The following NSDHL variants were observed in gnomAD, a reference collection of about 807,000 sequenced individuals.
NSDHL encodes the protein NAD(P) dependent 3-beta-hydroxysteroid dehydrogenase NSDHL.
NSDHL carries 1 observed loss-of-function variant against 23.0 expected under a neutral mutation model. The observed-to-expected ratio is 0.04, with a 90% CI of 0.02 to 0.21. The LOEUF is 0.21. Among genes scored for constraint, NSDHL ranks in the 10% least tolerant of loss-of-function variants. The pLI is 1.00. For synonymous variants in NSDHL, 128 were observed against 121.1 expected, an observed-to-expected ratio of 1.06 and a Z score of -0.37; for missense variants, 237 against 300.9, an observed-to-expected ratio of 0.79 and a Z score of 1.57.
rs1429396607 is a variant in NSDHL at position 152,853,932 on chromosome X, G to T, written c.267+3509G>T. 2.7e-5 allele frequency among the ~76,000 whole-genome samples: 3 copies of T among 112,390 alleles called. No homozygotes were observed. The East Asian group carries it at 8.3e-4, about 31-fold the overall frequency. On this transcript the variant is annotated intron_variant, in intron 3 of 7. Transcript: ENST00000370274. ...ACTTGTTTGTTTGCTTATTTGTCCT[G>T]ATTGAAACATGATTGACCATGAGCG... is the stretch of plus-strand genomic sequence containing the variant.
chrX:152,848,942 G>C (rs1355398966), intron 2 of NSDHL, among the ~76,000 whole-genome samples: 2 of 112,601 alleles, frequency 1.8e-5, no homozygotes, highest in Non-Finnish European at 3.7e-5. Context: ...ATGTGTTTAG[G>C]AATAATCAGA....
At chrX:152,834,352 C>T (rs1556843789) in intron 1 of NSDHL, among the ~76,000 whole-genome samples, 2 of 112,926 alleles carry the variant, frequency 1.8e-5, no homozygotes, top group Non-Finnish European at 3.7e-5. Flanking sequence ...AAAATAAAAG[C>T]TGGCGACTTT....
chrX:152,855,250 C>T (rs1294201485), intron 3 of NSDHL, among the ~76,000 whole-genome samples: 4 of 110,825 alleles, frequency 3.6e-5, no homozygotes, highest in African/African-American at 1.3e-4. Flanking sequence ...CCGCCTCGGC[C>T]TCCCAAAGTG....
chrX:152,853,728 A>T (rs1933396037), intron 3 of NSDHL, among the ~76,000 whole-genome samples: 1 of 112,134 alleles, frequency 8.9e-6, no homozygotes, highest in Non-Finnish European at 1.9e-5. Flanking sequence ...TTTCTGCCTC[A>T]GGACCTTTGC....
At chrX:152,855,631 C>T (rs1199796259) in intron 3 of NSDHL, among the ~76,000 whole-genome samples, 4 of 111,442 alleles carry the variant, frequency 3.6e-5, no homozygotes, top group African/African-American at 1.3e-4. Flanking sequence ...GGTGGTCTTT[C>T]ATTGTATCAT....
chrX:152,858,301 A>G (rs113965109), intron 3 of NSDHL, among the ~76,000 whole-genome samples: 3,008 of 112,353 alleles, frequency 0.027, 95 homozygotes, highest in African/African-American at 0.092. Context: ...GCAGTAAATC[A>G]AACAGACCTG....
At chrX:152,861,397 G>T (rs1933526105) in intron 4 of NSDHL, among the ~76,000 whole-genome samples, 2 of 113,078 alleles carry the variant, frequency 1.8e-5, no homozygotes, top group Admixed American at 9.3e-5. Flanking sequence ...CTCCCTGTCT[G>T]CCCATGCAGA....
intron 3 of NSDHL, among the ~76,000 whole-genome samples, chrX:152,855,667 A>G (rs782095725): frequency 6.3e-5 from 7 of 110,761 alleles, no homozygotes; most frequent in African/African-American, 2.3e-4. Flanking sequence ...TCTTTCTTGC[A>G]TTCCTTCTCT....
chrX:152,840,325 C>T (rs1390389874), intron 1 of NSDHL, among the ~76,000 whole-genome samples: 1 of 112,356 alleles, frequency 8.9e-6, no homozygotes, highest in African/African-American at 3.2e-5. Flanking sequence ...AAGTCATTCT[C>T]CATCCAGCTT....
chrX:152,858,904 G>T lies in NSDHL; in HGVS notation c.402G>T (p.Glu134Asp). 1 of 1,208,777 alleles carries T rather than the reference G, an allele frequency of 8.3e-7. No homozygotes were observed. The highest frequency in any genetic ancestry group is 1.1e-6 in the Non-Finnish European group (1 of 892,745). The change falls in exon 4 of 8, where the codon GAG becomes GAT. Residue 134 changes from glutamate to aspartate, a missense_variant. Coordinates refer to ENST00000370274, the MANE Select transcript of NSDHL (RefSeq NM_015922.3). ...AGAATGTCATTGAAACTTGCAAAGA[G>T]GCTGGGGTTCAGGTAAGGGGAAGGC... ...GTKNVIETCKEAGVQKLILTS... is the reference protein window; with the variant it reads ...GTKNVIETCKDAGVQKLILTS...
intron 2 of NSDHL, among the ~76,000 whole-genome samples, chrX:152,849,082 G>T (rs1313925192): frequency 1.8e-5 from 2 of 112,004 alleles, no homozygotes; most frequent in African/African-American, 6.5e-5. Flanking sequence ...GCTGGGCCTG[G>T]TGGAATCCAG....
chrX:152,844,901 C>T (rs1323396758), intron 1 of NSDHL, among the ~76,000 whole-genome samples: 1 of 111,940 alleles, frequency 8.9e-6, no homozygotes, highest in Non-Finnish European at 1.9e-5. Flanking sequence ...TCTAGATACA[C>T]ATTGAGTCCC....
chrX:152,868,258 C>G (rs1020720735), intron 7 of NSDHL, among the ~76,000 whole-genome samples: 17 of 109,609 alleles, frequency 1.6e-4, no homozygotes, highest in Non-Finnish European at 3.0e-4. Flanking sequence ...ATGCCTGAGC[C>G]TCCCGAGTAG....
At chrX:152,834,369 C>T (rs1240748993) in intron 1 of NSDHL, among the ~76,000 whole-genome samples, 1 of 112,503 alleles carries the variant, frequency 8.9e-6, no homozygotes, top group African/African-American at 3.2e-5. Flanking sequence ...CTTTTTTTGT[C>T]CTAAAAGTAA....
intron 5 of NSDHL, among the ~76,000 whole-genome samples, chrX:152,864,052 C>A (rs1434465180): frequency 8.9e-6 from 1 of 111,806 alleles, no homozygotes; most frequent in Non-Finnish European, 1.9e-5. Context: ...GCTGGGATTA[C>A]AGGCGCGTGC....
rs782723524 is a variant in NSDHL, at chrX:152,868,846, A to G, written c.852A>G (p.Thr284=). 5 of 1,210,978 alleles carry G rather than the reference A, an allele frequency of 4.1e-6. No homozygotes were observed. In the Middle Eastern group the frequency reaches 6.9e-4, roughly 167 times the overall value. ...PFWTFLSRIL[T]GLNYEAPKYH... ...GGACATTCCTGTCTCGCATCCTGAC[A>G]GGCCTCAATTATGAGGCCCCCAAGT... Residue 284 remains threonine, a synonymous_variant, in exon 8 of 8, where the codon ACA becomes ACG. Transcript: ENST00000370274.
At chrX:152,866,646 G>T (rs781854677) in intron 6 of NSDHL, among the ~76,000 whole-genome samples, 1 of 102,371 alleles carries the variant, frequency 9.8e-6, no homozygotes, top group Non-Finnish European at 2.0e-5. Flanking sequence ...GCTTGGAGAG[G>T]CATCACTCCT....
At chrX:152,858,115 C>G (rs782774861) in intron 3 of NSDHL, among the ~76,000 whole-genome samples, 1 of 111,789 alleles carries the variant, frequency 8.9e-6, no homozygotes, top group South Asian at 3.8e-4. Flanking sequence ...GCTGTCCCTT[C>G]TTTGCCCAGT....
chrX:152,849,316 T>C (rs1933321032), intron 2 of NSDHL, among the ~76,000 whole-genome samples: 1 of 111,939 alleles, frequency 8.9e-6, no homozygotes, highest in African/African-American at 3.3e-5. Context: ...GCTAAGGAAA[T>C]TGGAGGTTGT....
Sources: gnomAD v4.1 joint callset for allele counts (sites outside exome capture counted in the v4.1 genomes callset) on GRCh38, gnomAD v4.1.1 for gene constraint, MANE v1.5 for transcripts, NCBI Gene and HGNC (gene_info 2026-07-23, HGNC 2026-07-21) for gene names.